Variants in SP1 observed in about 807,000 individuals in gnomAD.
SP1 encodes the protein transcription factor Sp1.
SP1 carries 6 observed loss-of-function variants against 66.3 expected under a neutral mutation model. That is an observed-to-expected ratio of 0.09 (90% confidence interval 0.05 to 0.18). The LOEUF is 0.18. Ranked by LOEUF, SP1 falls within the 10% of genes least tolerant of loss-of-function variation. The pLI is 1.00. For synonymous variants in SP1, 417 were observed against 360.8 expected, an observed-to-expected ratio of 1.16 and a Z score of -1.77; for missense variants, 848 against 964.5, an observed-to-expected ratio of 0.88 and a Z score of 1.60.
intron 3 of SP1, among the ~76,000 whole-genome samples, chr12:53,396,494 G>A (rs1938493420): frequency 6.6e-6 from 1 of 151,934 alleles, no homozygotes; most frequent in Middle Eastern, 3.2e-3. Flanking sequence ...CTTGAACCCG[G>A]GAGGCGGAGC....
intron 3 of SP1, among the ~76,000 whole-genome samples, chr12:53,387,091 C>T (rs1387028058): frequency 6.6e-6 from 1 of 151,988 alleles, no homozygotes; most frequent in African/African-American, 2.4e-5. Context: ...GCTGGGATTA[C>T]AGGCACGTCC....
At chr12:53,380,341 G>A (rs1349473167) in intron 1 of SP1, 43 bp downstream of exon 1, 3 of 1,484,544 alleles carry the variant, frequency 2.0e-6, no homozygotes, top group East Asian at 2.8e-5. Flanking sequence ...GGAGGCGAGT[G>A]AGGGGGCGCG....
chr12:53,409,406 T>A lies in SP1; in HGVS notation c.1889T>A (p.Ile630Asn). The A allele has an allele frequency of 6.2e-7, 1 of 1,614,056 alleles. No homozygotes were observed. The highest frequency in any genetic ancestry group is 8.5e-7 in the Non-Finnish European group (1 of 1,180,002). Reference protein sequence around the residue: ...PGKKKQHICHIQGCGKVYGKT... With the variant: ...PGKKKQHICHNQGCGKVYGKT... The stretch of plus-strand genomic sequence containing the variant: ...AAAAAGAAACAGCATATTTGCCACA[T>A]CCAAGGCTGTGGGAAAGTGTATGGC... The change falls in exon 5 of 6, where the codon ATC (isoleucine) becomes AAC (asparagine). Residue 630 changes from isoleucine to asparagine, a missense_variant. This residue lies in a region of SP1 where 39 missense variants were observed against 124.2 expected (regional missense o/e 0.31). Transcript: ENST00000327443.
intron 3 of SP1, among the ~76,000 whole-genome samples, chr12:53,392,372 T>C (rs1938372852): frequency 7.1e-6 from 1 of 141,380 alleles, no homozygotes; most frequent in Non-Finnish European, 1.5e-5. Flanking sequence ...TTTTTTTTTT[T>C]TTGAGACGGA....
At chr12:53,394,211 G>T (rs897742507) in intron 3 of SP1, among the ~76,000 whole-genome samples, 1 of 145,630 alleles carries the variant, frequency 6.9e-6, no homozygotes, top group Non-Finnish European at 1.5e-5. Context: ...CCGAAACTCC[G>T]TCTCGAGAAA....
At chr12:53,406,026 C>T (rs1385432453) in intron 3 of SP1, among the ~76,000 whole-genome samples, 1 of 145,896 alleles carries the variant, frequency 6.9e-6, no homozygotes, top group African/African-American at 2.5e-5. Context: ...GAGATTTGAT[C>T]AGATTTTTAC....
rs989966252 is a variant in SP1, at chr12:53,414,649, A to T, written c.*3409A>T. On this transcript the variant is annotated 3_prime_UTR_variant, in exon 6 of 6. Transcript: ENST00000327443. Reference sequence around the variant, plus strand: ...GTATTTTTTTTAACAAATCTAAAAAAGCACTATGAACTACAGGTGTTTGAC... The same window carrying T: ...GTATTTTTTTTAACAAATCTAAAAATGCACTATGAACTACAGGTGTTTGAC... The T allele has an allele frequency of 6.5e-6, 1 of 152,674 alleles. No homozygotes were observed. Among genetic ancestry groups the T allele is most frequent in the Non-Finnish European group, 1.5e-5 (1 of 68,042 alleles). 9.5% of individuals were successfully genotyped at this position (152,674 alleles called of 1,614,324 possible). A position where few individuals can be genotyped will look rare whatever the true frequency, so the allele number is the denominator to read the frequency against.
At position 53,383,613 on chromosome 12, in the gene SP1, A is replaced by T. The variant is rs749316650; in HGVS notation, c.1666A>T (p.Asn556Tyr). The T allele has an allele frequency of 6.2e-7, 1 of 1,603,634 alleles. No homozygotes were observed. The highest frequency in any genetic ancestry group is 1.3e-5 in the African/African-American group (1 of 74,796). The change falls in exon 3 of 6, where the codon AAT becomes TAT. Residue 556 changes from asparagine (N) to tyrosine (Y), a missense_variant. Transcript: ENST00000327443. ...PIQGLPLAIA[N>Y]APGDHGAQLG... ...TCAAGGCCTGCCGTTGGCTATAGCAAATGCCCCAGGTAAGATTTCCAATCT... is the reference window on the plus strand; with the variant it reads ...TCAAGGCCTGCCGTTGGCTATAGCATATGCCCCAGGTAAGATTTCCAATCT...
Position 53,380,246 on chromosome 12 carries a change from A to ACC in SP1, c.-40_-39dup. 7.0e-6 allele frequency: 4 copies of ACC among 569,842 alleles called. No individual in the cohort carries two copies. The highest frequency in any genetic ancestry group is 1.3e-5 in the Non-Finnish European group (4 of 308,524). The allele number at this position is 569,842 out of a possible 1,614,324, so 35.3% of individuals were successfully genotyped here. A position where few individuals can be genotyped will look rare whatever the true frequency, so the allele number is the denominator to read the frequency against. ...TCCGCGTTTTTCCCGGCCCCCCCCAACCCCCCCGGACAGGACCCCCTTGAG... is the reference window on the plus strand; with the variant it reads ...TCCGCGTTTTTCCCGGCCCCCCCCAACCCCCCCCCGGACAGGACCCCCTTGAG... On this transcript the variant is annotated 5_prime_UTR_variant, in exon 1 of 6. Coordinates refer to ENST00000327443, the MANE Select transcript of SP1 (RefSeq NM_138473.3).
chr12:53,407,727 C>T (rs1938776633), intron 4 of SP1, among the ~76,000 whole-genome samples: 1 of 151,944 alleles, frequency 6.6e-6, no homozygotes, highest in African/African-American at 2.4e-5. Context: ...GGCTCCGCCC[C>T]CTGGGTTCAC....
chr12:53,406,789 G>C (rs1466018123), intron 4 of SP1, 36 bp downstream of exon 4: 8 of 1,525,288 alleles, frequency 5.2e-6, no homozygotes, highest in African/African-American at 1.4e-5. Context: ...CAAATATAAA[G>C]AAAAATTAAT....
intron 3 of SP1, among the ~76,000 whole-genome samples, 182 bp downstream of exon 3, chr12:53,383,804 C>T (rs927764317): frequency 2.0e-5 from 3 of 152,144 alleles, no homozygotes; most frequent in African/African-American, 7.2e-5. Context: ...GTAAAGGAAA[C>T]TTCTCCAGTT....
rs1938054527 is a variant in SP1 at position 53,380,377 on chromosome 12, G to A, written c.7+79G>A. Reference sequence around the variant, plus strand: ...CGCGAGGGCCGACCGGGCGATCCCCGCCGTGAAGCGGGGGCGGGCGGGAGG... The same window carrying A: ...CGCGAGGGCCGACCGGGCGATCCCCACCGTGAAGCGGGGGCGGGCGGGAGG... On this transcript the variant is annotated intron_variant, in intron 1 of 5. Coordinates refer to ENST00000327443, the MANE Select transcript of SP1 (RefSeq NM_138473.3). 2.4e-6 allele frequency: 3 copies of A among 1,254,672 alleles called. No individual in the cohort carries two copies. The South Asian group carries it at 5.9e-5, about 25-fold the overall frequency. The allele number at this position is 1,254,672 out of a possible 1,614,324, so 77.7% of individuals were successfully genotyped here.
At chr12:53,384,267 C>T (rs1239495152) in intron 3 of SP1, among the ~76,000 whole-genome samples, 1 of 150,974 alleles carries the variant, frequency 6.6e-6, no homozygotes, top group African/African-American at 2.4e-5. Flanking sequence ...CCGCGCCCGG[C>T]TTTCTTTTCT....
chr12:53,380,633 C>G, intron 1 of SP1: 3 of 1,001,474 alleles, frequency 3.0e-6, no homozygotes, highest in Non-Finnish European at 3.6e-6. Context: ...CGGGGGCGGC[C>G]CGAGCAGCGA....
chr12:53,415,119 T>C lies in SP1; in HGVS notation c.*3879T>C, dbSNP rs549903635. 5.9e-5 allele frequency: 9 copies of C among 152,542 alleles called. No homozygotes were observed. The highest frequency in any genetic ancestry group is 1.2e-4 in the Non-Finnish European group (8 of 68,046). 9.4% of individuals were successfully genotyped at this position (152,542 alleles called of 1,614,324 possible). The stretch of plus-strand genomic sequence containing the variant: ...AGCTTTGGGGAAAGGGAGGAAGATA[T>C]GGCACTTCTCCAACCCCGGAAAACA... On this transcript the variant is annotated 3_prime_UTR_variant, in exon 6 of 6. Coordinates refer to ENST00000327443, the MANE Select transcript of SP1 (RefSeq NM_138473.3).
At chr12:53,404,250 T>C (rs921031282) in intron 3 of SP1, among the ~76,000 whole-genome samples, 1 of 148,914 alleles carries the variant, frequency 6.7e-6, no homozygotes, top group Non-Finnish European at 1.5e-5. Context: ...AAGAATATTA[T>C]CAGCCGGGTG....
intron 3 of SP1, among the ~76,000 whole-genome samples, chr12:53,406,334 G>C (rs1308598160): frequency 6.6e-6 from 1 of 152,052 alleles, no homozygotes; most frequent in African/African-American, 2.4e-5. Flanking sequence ...CTCCCAAAGT[G>C]ATGGAATTAC....
chr12:53,408,185 G>T (rs184453173), intron 4 of SP1, among the ~76,000 whole-genome samples: 2 of 141,086 alleles, frequency 1.4e-5, no homozygotes, highest in Non-Finnish European at 3.1e-5. Context: ...GGTGGAGGTT[G>T]CAGTGAACCG....
Sources: allele counts gnomAD v4.1 joint callset (sites outside exome capture counted in the v4.1 genomes callset), GRCh38; gene constraint gnomAD v4.1.1; regional missense constraint gnomAD v4.1.1; transcripts MANE v1.5; gene names NCBI Gene and HGNC (gene_info 2026-07-23, HGNC 2026-07-21).